The following FAM171B variants were observed in gnomAD, a reference collection of about 807,000 sequenced individuals.
The protein encoded by FAM171B is family with sequence similarity 171 member B, also known as protein FAM171B.
FAM171B carries 19 observed loss-of-function variants against 75.6 expected under a neutral mutation model. That is an observed-to-expected ratio of 0.25 (90% CI 0.18 to 0.37). The LOEUF is 0.37. FAM171B is among the 10% of genes least tolerant of loss of function. The probability of loss-of-function intolerance (pLI) is 1.00; values close to 1 mark genes in which losing one functional copy is unlikely to be tolerated. For synonymous variants in FAM171B, 367 were observed against 361.7 expected (o/e 1.01, Z -0.17); for missense variants, 848 against 982.4 (o/e 0.86, Z 1.83).
chr2:186,718,284 T>C (rs1438613169), intron 1 of FAM171B, among the ~76,000 whole-genome samples: 1 of 152,234 alleles, frequency 6.6e-6, no homozygotes, highest in Non-Finnish European at 1.5e-5. Context: ...CTTCCTTACA[T>C]CAGCAGCGGA....
At position 186,763,233 on chromosome 2, in the gene FAM171B, A is replaced by T. The variant is rs1690650597; in HGVS notation, c.*410A>T. 1 of 163,672 alleles carries T rather than the reference A, an allele frequency of 6.1e-6. No individual in the cohort carries two copies. The highest frequency in any genetic ancestry group is 5.9e-5 in the Admixed American group (1 of 17,058). The allele number at this position is 163,672 out of a possible 1,614,324, so 10.1% of individuals were successfully genotyped here. On this transcript the variant is annotated 3_prime_UTR_variant, in exon 8 of 8. Coordinates refer to ENST00000304698, the MANE Select transcript of FAM171B (RefSeq NM_177454.4). ...AGAAACAAAACTGACTTCAGGCATC[A>T]TATTATTTTAAATGTTACTATTACG...
In FAM171B at chr2:186,761,728, C is replaced by T; in HGVS notation, c.1386C>T (p.Ile462=). The change falls in exon 8 of 8, where the codon ATC becomes ATT. Residue 462 remains isoleucine (I), a synonymous_variant. Coordinates refer to ENST00000304698, the MANE Select transcript of FAM171B (RefSeq NM_177454.4). ...SMVKTRDDFK[I]YNEDVSFLSV... is the part of the protein sequence containing the mutation. ...TAAAAACTCGGGACGATTTTAAAAT[C>T]TACAATGAAGATGTTTCATTTCTAT... is the stretch of plus-strand genomic sequence containing the variant. The T allele has an allele frequency of 1.2e-6, 2 of 1,613,314 alleles. No homozygotes were observed. The highest frequency in any genetic ancestry group is 1.7e-6 in the Non-Finnish European group (2 of 1,179,644).
chr2:186,761,232 T>G lies in FAM171B; in HGVS notation c.1132T>G (p.Cys378Gly). Residue 378 changes from cysteine (C) to glycine (G), a missense_variant, in exon 7 of 8, where the codon TGC (cysteine) becomes GGC (glycine). Coordinates refer to ENST00000304698, the MANE Select transcript of FAM171B (RefSeq NM_177454.4). ...IGFFAVLLCY[C>G]RDKCGTPQKR... The stretch of plus-strand genomic sequence containing the variant: ...ATTTTTTGCTGTACTACTTTGTTAT[T>G]GCAGGTAAGAAAATGGCTATAAACA... 6.2e-7 allele frequency: 1 copy of G among 1,612,242 alleles called. No individual in the cohort carries two copies.
chr2:186,716,590 T>C (rs1689878273), intron 1 of FAM171B, among the ~76,000 whole-genome samples: 1 of 152,198 alleles, frequency 6.6e-6, no homozygotes, highest in South Asian at 2.1e-4. Flanking sequence ...GCCACACTGA[T>C]TGTCAGGTAG....
chr2:186,720,715 AAG>A (rs1553509969), intron 1 of FAM171B, among the ~76,000 whole-genome samples: 7 of 121,952 alleles, frequency 5.7e-5, no homozygotes, highest in African/African-American at 1.5e-4. Context: ...AAAAAAAAAA[AAG>A]AAAAGAAAAC....
In FAM171B at chr2:186,724,142, G is replaced by T. The variant is rs1479114639; in HGVS notation, c.239-16086G>T. ...CAGCAAGTTTGGTTGCTCTATCCTT[G>T]CTTGTCATGAAGCCTGGAGCTATGA... is the stretch of plus-strand genomic sequence containing the variant. On this transcript the variant is annotated intron_variant, in intron 1 of 7. Coordinates refer to ENST00000304698, the MANE Select transcript of FAM171B (RefSeq NM_177454.4). 2.6e-5 allele frequency among the ~76,000 whole-genome samples: 4 copies of T among 152,202 alleles called. No homozygotes were observed. The East Asian group carries it at 5.8e-4, about 22-fold the overall frequency.
intron 5 of FAM171B, among the ~76,000 whole-genome samples, chr2:186,753,478 A>G (rs144057479): frequency 6.6e-6 from 1 of 152,216 alleles, no homozygotes; most frequent in African/African-American, 2.4e-5. Flanking sequence ...TAAGTTTTTC[A>G]TGAATTCCAT....
At chr2:186,697,380 A>G (rs1042194045) in intron 1 of FAM171B, among the ~76,000 whole-genome samples, 1 of 152,036 alleles carries the variant, frequency 6.6e-6, no homozygotes, top group African/African-American at 2.4e-5. Flanking sequence ...TAGCTGAACT[A>G]CAGATGCGTG....
chr2:186,736,941 GTACTC>G (rs1382020594), intron 1 of FAM171B, among the ~76,000 whole-genome samples: 3 of 152,048 alleles, frequency 2.0e-5, no homozygotes, highest in Non-Finnish European at 4.4e-5. Flanking sequence ...TCTTATCAGT[GTACTC>G]TAATTTTTGT....
At chr2:186,742,819 T>G (rs961487951) in intron 2 of FAM171B, among the ~76,000 whole-genome samples, 1 of 152,218 alleles carries the variant, frequency 6.6e-6, no homozygotes, top group Non-Finnish European at 1.5e-5. Context: ...TTGTCCCAGC[T>G]TCTTGCTCCA....
At chr2:186,748,733 G>A (rs1041291634) in intron 4 of FAM171B, among the ~76,000 whole-genome samples, 2 of 152,168 alleles carry the variant, frequency 1.3e-5, no homozygotes, top group Admixed American at 6.5e-5. Flanking sequence ...GGTGCTTCCT[G>A]GGATTACTTA....
At position 186,739,799 on chromosome 2, in the gene FAM171B, C is replaced by T. The variant is rs571488686; in HGVS notation, c.239-429C>T. ...GTATAGTAAATTCATAAACCAGTAACGTAATCTATTATCAAGTTTTATATG... is the reference window on the plus strand; with the variant it reads ...GTATAGTAAATTCATAAACCAGTAATGTAATCTATTATCAAGTTTTATATG... On this transcript the variant is annotated intron_variant, in intron 1 of 7. Transcript: ENST00000304698. Among the ~76,000 whole-genome samples the T allele has an allele frequency of 5.3e-5, 8 of 152,224 alleles. No individual in the cohort carries two copies. The East Asian group carries it at 9.6e-4, about 18-fold the overall frequency.
intron 2 of FAM171B, among the ~76,000 whole-genome samples, chr2:186,741,828 CG>C (rs1482393602): frequency 2.0e-5 from 3 of 151,426 alleles, no homozygotes; most frequent in African/African-American, 7.3e-5. Flanking sequence ...CACAAATAAA[CG>C]TATGTTAAAA....
chr2:186,731,654 C>T (rs561300231), intron 1 of FAM171B, among the ~76,000 whole-genome samples: 6 of 152,046 alleles, frequency 3.9e-5, no homozygotes, highest in African/African-American at 1.5e-4. Context: ...GGTCTGAAAC[C>T]CCTGGGACAC....
At chr2:186,739,401 C>T (rs1051295386) in intron 1 of FAM171B, among the ~76,000 whole-genome samples, 37 of 152,258 alleles carry the variant, frequency 2.4e-4, no homozygotes, top group African/African-American at 8.9e-4. Flanking sequence ...TGTAATAACA[C>T]TTAGCTTAAA....
At chr2:186,714,333 A>C (rs1689847714) in intron 1 of FAM171B, among the ~76,000 whole-genome samples, 1 of 152,186 alleles carries the variant, frequency 6.6e-6, no homozygotes, top group Admixed American at 6.5e-5. Flanking sequence ...CTAAATAGCT[A>C]AAAAATTTTC....
intron 1 of FAM171B, among the ~76,000 whole-genome samples, chr2:186,694,748 A>AACACACACACACACACACAC (rs57171143): frequency 1.5e-5 from 2 of 133,384 alleles, no homozygotes; most frequent in Non-Finnish European, 3.2e-5. Context: ...GAATGACTGT[A>AACACACACACACACACACAC]ACACACACAC....
At chr2:186,753,524 G>A (rs1285401871) in intron 5 of FAM171B, among the ~76,000 whole-genome samples, 1 of 152,174 alleles carries the variant, frequency 6.6e-6, no homozygotes, top group Admixed American at 6.5e-5. Flanking sequence ...TTGAAGGTCT[G>A]ATTCTAAGGT....
At chr2:186,756,712 C>T (rs1015405739) in intron 6 of FAM171B, among the ~76,000 whole-genome samples, 2 of 152,142 alleles carry the variant, frequency 1.3e-5, no homozygotes, top group African/African-American at 4.8e-5. Context: ...TCAGACCCCT[C>T]AGGTTAAGGG....
Sources: allele counts gnomAD v4.1 joint callset (sites outside exome capture counted in the v4.1 genomes callset), GRCh38; gene constraint gnomAD v4.1.1; transcripts MANE v1.5; gene names NCBI Gene and HGNC (gene_info 2026-07-23, HGNC 2026-07-21).